DAB1: variants seen among roughly 807,000 people sequenced by gnomAD.
The protein encoded by DAB1 is DAB adaptor protein 1.
DAB1 carries 15 observed loss-of-function variants against 64.6 expected under a neutral mutation model. The observed-to-expected ratio is 0.23, with a 90% CI of 0.16 to 0.36. The LOEUF (loss-of-function observed/expected upper bound fraction) is 0.36, where lower values mean the gene tolerates loss of function less well. DAB1 is among the 10% of genes least tolerant of loss of function. The pLI, the probability that DAB1 is intolerant of heterozygous loss-of-function variation, is 1.00. For synonymous variants in DAB1, 235 were observed against 251.9 expected, an observed-to-expected ratio of 0.93 and a Z score of 0.64; for missense variants, 596 against 706.7, an observed-to-expected ratio of 0.84 and a Z score of 1.78.
intron 7 of DAB1, among the ~76,000 whole-genome samples, chr1:57,441,479 C>T (rs1315176669): frequency 6.6e-6 from 1 of 151,940 alleles, no homozygotes; most frequent in Non-Finnish European, 1.5e-5. Flanking sequence ...CTCAGCCCAC[C>T]AAGTAGCTGG....
intron 5 of DAB1, among the ~76,000 whole-genome samples, chr1:57,956,143 G>C (rs1175988485): frequency 6.6e-6 from 1 of 152,100 alleles, no homozygotes; most frequent in Non-Finnish European, 1.5e-5. Flanking sequence ...CTAAGTCAGG[G>C]GAACATTTAT....
chr1:58,074,554 ATATATGTGTG>A (rs1649496246), intron 5 of DAB1: 1 of 72,468 alleles, frequency 1.4e-5, no homozygotes, highest in African/African-American at 5.7e-5. Flanking sequence ...ACACACATAT[ATATATGTGTG>A]TATATATATA....
At chr1:57,481,866 A>G (rs999977610) in intron 7 of DAB1, among the ~76,000 whole-genome samples, 2 of 152,126 alleles carry the variant, frequency 1.3e-5, no homozygotes, top group African/African-American at 2.4e-5. Context: ...AGCTTGTTAA[A>G]ATATTTGTTG....
At chr1:57,569,734 C>T (rs1308277988) in intron 7 of DAB1, among the ~76,000 whole-genome samples, 1 of 151,810 alleles carries the variant, frequency 6.6e-6, no homozygotes. Context: ...TATCCTAGAA[C>T]CTAAAGTATA....
At chr1:58,028,959 A>G (rs1377809292) in intron 5 of DAB1, among the ~76,000 whole-genome samples, 1 of 152,196 alleles carries the variant, frequency 6.6e-6, no homozygotes, top group African/African-American at 2.4e-5. Flanking sequence ...ATCCTAGGAA[A>G]CAGAAGTGGT....
intron 1 of DAB1, among the ~76,000 whole-genome samples, chr1:57,315,184 G>A (rs933799512): frequency 6.6e-6 from 1 of 152,122 alleles, no homozygotes; most frequent in Non-Finnish European, 1.5e-5. Flanking sequence ...CCTATTTAAA[G>A]TGGTTTTCTG....
At chr1:57,538,781 A>C (rs1294199523) in intron 7 of DAB1, among the ~76,000 whole-genome samples, 2 of 152,148 alleles carry the variant, frequency 1.3e-5, no homozygotes, top group African/African-American at 2.4e-5. Context: ...TAATATGAGG[A>C]GGGCAGAGCA....
intron 4 of DAB1, among the ~76,000 whole-genome samples, chr1:58,281,791 A>G (rs1327528715): frequency 6.6e-6 from 1 of 152,158 alleles, no homozygotes; most frequent in African/African-American, 2.4e-5. Flanking sequence ...GAATCTTATA[A>G]TAGTACATAC....
intron 4 of DAB1, among the ~76,000 whole-genome samples, chr1:57,133,877 C>CTGAA (rs1326691924): frequency 6.6e-6 from 1 of 152,180 alleles, no homozygotes; most frequent in Non-Finnish European, 1.5e-5. Flanking sequence ...AGAACCCATG[C>CTGAA]TGAACATTGA....
intron 5 of DAB1, among the ~76,000 whole-genome samples, chr1:57,962,103 C>T (rs541810328): frequency 6.6e-6 from 1 of 152,116 alleles, no homozygotes; most frequent in East Asian, 1.9e-4. Context: ...CAAATGATCC[C>T]AATTCAAATC....
chr1:57,688,450 C>T (rs1190451861), intron 6 of DAB1, among the ~76,000 whole-genome samples: 2 of 152,084 alleles, frequency 1.3e-5, no homozygotes, highest in African/African-American at 4.8e-5. Flanking sequence ...AAAGGGAATG[C>T]TTATACACTG....
intron 6 of DAB1, among the ~76,000 whole-genome samples, chr1:57,701,329 A>T (rs1475812174): frequency 6.6e-6 from 1 of 152,202 alleles, no homozygotes; most frequent in Non-Finnish European, 1.5e-5. Context: ...GATAGACTGG[A>T]TTAAGAAAAT....
chr1:58,043,548 C>T (rs948116583), intron 5 of DAB1, among the ~76,000 whole-genome samples: 4 of 152,154 alleles, frequency 2.6e-5, no homozygotes, highest in East Asian at 1.9e-4. Context: ...CCATGATGTC[C>T]TCACAGTCAC....
intron 1 of DAB1, among the ~76,000 whole-genome samples, chr1:57,850,005 T>C (rs575228139): frequency 2.0e-5 from 3 of 152,224 alleles, no homozygotes; most frequent in East Asian, 1.9e-4. Flanking sequence ...AAGGTTGACA[T>C]TGGACTCAAC....
At chr1:58,180,292 T>TTC (rs199747082) in intron 4 of DAB1, among the ~76,000 whole-genome samples, 3,757 of 123,736 alleles carry the variant, frequency 0.03, 74 homozygotes, top group South Asian at 0.047. Context: ...TTTTTTTTTT[T>TTC]TTTTTTTTTT....
intron 5 of DAB1, among the ~76,000 whole-genome samples, chr1:57,913,126 G>T (rs528235920): frequency 2.1e-4 from 32 of 152,202 alleles, no homozygotes; most frequent in African/African-American, 7.0e-4. Flanking sequence ...AAAAGAGCCC[G>T]CATTGCCAAA....
intron 6 of DAB1, among the ~76,000 whole-genome samples, chr1:57,731,826 A>G (rs1347289310): frequency 6.6e-6 from 1 of 152,010 alleles, no homozygotes; most frequent in Non-Finnish European, 1.5e-5. Context: ...AATAATAATA[A>G]TTGATGAGTA....
At chr1:57,054,259 G>T (rs1649513780) in intron 9 of DAB1, among the ~76,000 whole-genome samples, 1 of 152,102 alleles carries the variant, frequency 6.6e-6, no homozygotes, top group African/African-American at 2.4e-5. Flanking sequence ...ACAGTTGTCT[G>T]TGAAGGTTAA....
intron 6 of DAB1, among the ~76,000 whole-genome samples, chr1:57,726,280 G>A (rs979837226): frequency 1.3e-5 from 2 of 152,202 alleles, no homozygotes; most frequent in African/African-American, 4.8e-5. Flanking sequence ...ATCTATCACA[G>A]CAGGCTCTAA....
Sources: allele counts gnomAD v4.1 joint callset (sites outside exome capture counted in the v4.1 genomes callset), GRCh38; gene constraint gnomAD v4.1.1; transcripts MANE v1.5; gene names NCBI Gene and HGNC (gene_info 2026-07-23, HGNC 2026-07-21).